CLVS1: variants seen among roughly 807,000 people sequenced by gnomAD.
CLVS1 encodes the protein clavesin 1.
In CLVS1, 10 loss-of-function variants were observed where a neutral mutation model predicts 33.1. The observed-to-expected ratio is 0.30, with a 90% CI of 0.19 to 0.51. The LOEUF (loss-of-function observed/expected upper bound fraction) is 0.51, where lower values mean the gene tolerates loss of function less well. Ranked by LOEUF, CLVS1 falls within the 20% of genes least tolerant of loss-of-function variation. The pLI is 0.97. For missense variants in CLVS1, 343 were observed against 433.4 expected (o/e 0.79, Z 1.85); for synonymous variants, 163 against 166.1 (o/e 0.98, Z 0.14).
intron 2 of CLVS1, among the ~76,000 whole-genome samples, chr8:61,256,873 A>G (rs1008174804): frequency 6.6e-6 from 1 of 152,224 alleles, no homozygotes; most frequent in African/African-American, 2.4e-5. Context: ...GTTGGCTTAA[A>G]GAAGGCAAGT....
chr8:61,291,657 C>CT (rs1563480132), intron 1 of CLVS1, among the ~76,000 whole-genome samples: 1 of 152,078 alleles, frequency 6.6e-6, no homozygotes, highest in African/African-American at 2.4e-5. Flanking sequence ...TCACTCTTTC[C>CT]TTTTTTCTCT....
intron 1 of CLVS1, among the ~76,000 whole-genome samples, chr8:61,089,228 T>C (rs1158392846): frequency 1.3e-5 from 2 of 152,232 alleles, no homozygotes; most frequent in African/African-American, 4.8e-5. Context: ...TTCTATAATT[T>C]AACCAAATTG....
chr8:61,003,006 C>T, the CLVS1 span, among the ~76,000 whole-genome samples: 1 of 152,202 alleles, frequency 6.6e-6, no homozygotes, highest in Admixed American at 6.5e-5. Flanking sequence ...TGCAAATATG[C>T]TGTCCTCTTC....
intron 2 of CLVS1, among the ~76,000 whole-genome samples, chr8:61,235,886 C>T (rs892777709): frequency 6.6e-6 from 1 of 152,182 alleles, no homozygotes; most frequent in Admixed American, 6.5e-5. Context: ...GTCCTCATCT[C>T]CAAGCTGGGA....
chr8:61,490,384 T>C (rs559878347), intron 5 of CLVS1, among the ~76,000 whole-genome samples: 1 of 150,884 alleles, frequency 6.6e-6, no homozygotes, highest in East Asian at 2.0e-4. Flanking sequence ...AAAAGGTAAA[T>C]TGGGCCGGGC....
chr8:61,472,661 A>T (rs1459525946), intron 5 of CLVS1, among the ~76,000 whole-genome samples: 5 of 152,200 alleles, frequency 3.3e-5, no homozygotes, highest in East Asian at 1.9e-4. Context: ...AATAATTTTT[A>T]AAAATTTTAT....
intron 5 of CLVS1, among the ~76,000 whole-genome samples, chr8:61,487,733 T>C (rs1376563062): frequency 1.3e-5 from 2 of 152,232 alleles, no homozygotes; most frequent in African/African-American, 4.8e-5. Flanking sequence ...AAAATTTATA[T>C]TTAGGCTAAT....
rs187403102 is a variant in CLVS1, at chr8:61,482,116, A to G, written c.978-17339A>G. On this transcript the variant is annotated intron_variant, in intron 5 of 5. Coordinates refer to ENST00000325897, the MANE Select transcript of CLVS1 (RefSeq NM_173519.3). ...TGGAGTGGACCTCCAGCAAACTCCA[A>G]CAGATCTGCAGCTGAGGGTCCTGAC... Among the ~76,000 whole-genome samples, 60 of 152,368 alleles carry G rather than the reference A, an allele frequency of 3.9e-4. 1 individual carries two copies. In the East Asian group the frequency reaches 0.011, roughly 28 times the overall value.
chr8:61,356,125 A>G (rs1812694193), intron 2 of CLVS1, among the ~76,000 whole-genome samples: 1 of 151,768 alleles, frequency 6.6e-6, no homozygotes, highest in Non-Finnish European at 1.5e-5. Flanking sequence ...GTGAGATGGT[A>G]TCTCATTGTG....
At chr8:61,350,238 C>T (rs969655077) in intron 2 of CLVS1, among the ~76,000 whole-genome samples, 6 of 151,900 alleles carry the variant, frequency 3.9e-5, no homozygotes, top group Admixed American at 2.0e-4. Flanking sequence ...TAATAAATAC[C>T]TATTTATCCT....
intron 5 of CLVS1, among the ~76,000 whole-genome samples, chr8:61,470,184 A>G (rs1314322662): frequency 1.3e-5 from 2 of 152,236 alleles, no homozygotes; most frequent in Non-Finnish European, 2.9e-5. Flanking sequence ...AAATGAAAGG[A>G]CCATCTCCTT....
intron 2 of CLVS1, among the ~76,000 whole-genome samples, chr8:61,182,810 G>A (rs187180522): frequency 2.0e-5 from 3 of 152,176 alleles, no homozygotes; most frequent in Admixed American, 2.0e-4. Flanking sequence ...TATACCCAAA[G>A]GATTATAAGT....
chr8:61,444,940 G>C (rs566521561), intron 3 of CLVS1, among the ~76,000 whole-genome samples: 1 of 152,304 alleles, frequency 6.6e-6, no homozygotes, highest in East Asian at 1.9e-4. Context: ...ATGGGTGCTA[G>C]ATTGGTCAGT....
the CLVS1 span, among the ~76,000 whole-genome samples, chr8:60,978,783 C>T: frequency 1.0e-4 from 12 of 118,294 alleles, no homozygotes; most frequent in African/African-American, 4.0e-4. Flanking sequence ...GCACTCCAGC[C>T]TGTGTGACAG....
chr8:61,406,686 C>T (rs1292147283), intron 3 of CLVS1, among the ~76,000 whole-genome samples: 2 of 152,132 alleles, frequency 1.3e-5, no homozygotes, highest in African/African-American at 4.8e-5. Flanking sequence ...CGGCTCACTG[C>T]AACCTCCTCC....
chr8:61,037,341 A>G, the CLVS1 span, among the ~76,000 whole-genome samples: 4 of 152,010 alleles, frequency 2.6e-5, no homozygotes, highest in Admixed American at 1.3e-4. Flanking sequence ...ATCTTTATCA[A>G]TTTGACCGCT....
chr8:61,214,768 T>C (rs1808049770), intron 2 of CLVS1, among the ~76,000 whole-genome samples: 1 of 152,230 alleles, frequency 6.6e-6, no homozygotes, highest in Non-Finnish European at 1.5e-5. Context: ...GGTTATAATT[T>C]GATCCATGTC....
chr8:61,328,452 T>A (rs1811465479), intron 2 of CLVS1, among the ~76,000 whole-genome samples: 1 of 152,116 alleles, frequency 6.6e-6, no homozygotes, highest in South Asian at 2.1e-4. Flanking sequence ...CAGCTACAGC[T>A]TGGTCAAGGT....
chr8:61,075,007 C>A (rs1233788885), intron 1 of CLVS1, among the ~76,000 whole-genome samples: 6 of 151,858 alleles, frequency 4.0e-5, no homozygotes, highest in Admixed American at 3.9e-4. Flanking sequence ...TTTTTGATTT[C>A]TTTTTCCTGT....
Sources: allele counts gnomAD v4.1 joint callset (sites outside exome capture counted in the v4.1 genomes callset), GRCh38; gene constraint gnomAD v4.1.1; transcripts MANE v1.5; gene names NCBI Gene and HGNC (gene_info 2026-07-23, HGNC 2026-07-21).